The following NCOA2 variants were observed in gnomAD, a reference collection of about 807,000 sequenced individuals.
NCOA2 encodes nuclear receptor coactivator 2.
In NCOA2, 21 loss-of-function variants were observed where a neutral mutation model predicts 145.1. The ratio of observed to expected loss-of-function variants is 0.14; its 90% CI spans 0.10 to 0.21. The LOEUF (loss-of-function observed/expected upper bound fraction) is 0.21. Ranked by LOEUF, NCOA2 falls within the 10% of genes least tolerant of loss-of-function variation. The pLI is 1.00. For missense variants in NCOA2, 1,472 were observed against 1,837.6 expected, an observed-to-expected ratio of 0.80 and a Z score of 3.64; for synonymous variants, 619 against 637.5, an observed-to-expected ratio of 0.97 and a Z score of 0.44.
At chr8:70,280,984 TGTG>T (rs973681316) in intron 2 of NCOA2, among the ~76,000 whole-genome samples, 4 of 151,038 alleles carry the variant, frequency 2.6e-5, no homozygotes, top group Non-Finnish European at 5.9e-5. Context: ...GCTGGGAAGA[TGTG>T]GTGTACACAT....
chr8:70,133,199 A>ATTTTTTTTTTTTTTTTTTTTTT (rs1491395116), intron 15 of NCOA2, among the ~76,000 whole-genome samples: 1 of 99,732 alleles, frequency 1.0e-5, no homozygotes, highest in African/African-American at 4.8e-5. Flanking sequence ...ACTGGCTGCT[A>ATTTTTTTTTTTTTTTTTTTTTT]CTTTTTTTTT....
chr8:70,339,394 CAAG>C (rs1471313213), intron 1 of NCOA2, among the ~76,000 whole-genome samples: 4 of 152,112 alleles, frequency 2.6e-5, no homozygotes, highest in South Asian at 2.1e-4. Context: ...AGGACATCTT[CAAG>C]AAGAACTACA....
the NCOA2 span, among the ~76,000 whole-genome samples, chr8:70,455,611 A>G: frequency 6.6e-6 from 1 of 151,794 alleles, no homozygotes; most frequent in Non-Finnish European, 1.5e-5. Context: ...TCATCAGCCA[A>G]TTATGGTCAC....
intron 2 of NCOA2, among the ~76,000 whole-genome samples, chr8:70,226,490 C>T (rs944815682): frequency 6.6e-6 from 1 of 152,020 alleles, no homozygotes. Context: ...CTAAGTGGCA[C>T]AAAGACTGCC....
At chr8:70,281,355 CAAAAAAAAAAAAAA>C (rs372574771) in intron 2 of NCOA2, among the ~76,000 whole-genome samples, 5 of 60,992 alleles carry the variant, frequency 8.2e-5, no homozygotes, top group Non-Finnish European at 1.4e-4. Context: ...GACCCTGTCT[CAAAAAAAAAAAAAA>C]AAAAAAAAAA....
At chr8:70,158,648 A>G (rs1343852377) in intron 10 of NCOA2, among the ~76,000 whole-genome samples, 1 of 152,200 alleles carries the variant, frequency 6.6e-6, no homozygotes, top group African/African-American at 2.4e-5. Flanking sequence ...GCTACTCAGG[A>G]GGTGGAGGCA....
At chr8:70,330,583 C>A (rs558957090) in intron 1 of NCOA2, among the ~76,000 whole-genome samples, 31 of 146,460 alleles carry the variant, frequency 2.1e-4, no homozygotes, top group East Asian at 1.4e-3. Context: ...AAAAAAAAAA[C>A]CCCAAAAAAC....
Position 70,171,615 on chromosome 8 carries a change from G to A in NCOA2, c.364-1236C>T, listed in dbSNP as rs371513933. On this transcript the variant is annotated intron_variant, in intron 5 of 22. Coordinates refer to ENST00000452400, the MANE Select transcript of NCOA2 (RefSeq NM_006540.4). ...GCTTTACATTGATTCATCATACCTG[G>A]GACCAGGGCCATGGGGTCTAGTCAG... 8.5e-5 allele frequency among the ~76,000 whole-genome samples: 13 copies of A among 152,234 alleles called. No individual in the cohort carries two copies. In the South Asian group the frequency reaches 1.2e-3, roughly 15 times the overall value.
intron 19 of NCOA2, among the ~76,000 whole-genome samples, chr8:70,125,886 C>G (rs191529239): frequency 6.6e-6 from 1 of 152,220 alleles, no homozygotes; most frequent in Non-Finnish European, 1.5e-5. Flanking sequence ...GAGAAAGGAG[C>G]TGGGAAACAA....
At chr8:70,289,014 T>A (rs917720103) in intron 2 of NCOA2, among the ~76,000 whole-genome samples, 1 of 152,224 alleles carries the variant, frequency 6.6e-6, no homozygotes, top group African/African-American at 2.4e-5. Context: ...AAGAAACTCA[T>A]CAAACCAATT....
rs1465233881 is a variant in NCOA2 at position 70,123,950 on chromosome 8, T to C, written c.4227A>G (p.Gly1409=). 6.2e-7 allele frequency: 1 copy of C among 1,614,018 alleles called. No homozygotes were observed. ...AGGTCACTGAGGTCATGCTGATCTGTCCTGTCATCTGGTTCATGCTGCTCA... is the reference window on the plus strand; with the variant it reads ...AGGTCACTGAGGTCATGCTGATCTGCCCTGTCATCTGGTTCATGCTGCTCA... The part of the protein sequence containing the change: ...GGMSSMNQMT[G]QISMTSVTSV... Residue 1409 remains glycine, a synonymous_variant, in exon 21 of 23, where the codon GGA becomes GGG. Coordinates refer to ENST00000452400, the MANE Select transcript of NCOA2 (RefSeq NM_006540.4).
intron 1 of NCOA2, among the ~76,000 whole-genome samples, chr8:70,376,074 A>G (rs1003783684): frequency 1.3e-5 from 2 of 152,206 alleles, no homozygotes; most frequent in Non-Finnish European, 2.9e-5. Context: ...CCATAGGAAC[A>G]CTGTCTGAGA....
At chr8:70,336,236 T>C (rs1024938733) in intron 1 of NCOA2, among the ~76,000 whole-genome samples, 1 of 152,162 alleles carries the variant, frequency 6.6e-6, no homozygotes, top group Non-Finnish European at 1.5e-5. Flanking sequence ...CACTAGATGA[T>C]AGGAATTTTT....
At chr8:70,160,659 C>CAGAGACAGAGAGAGAGAGAGAG (rs1554578913) in intron 9 of NCOA2, among the ~76,000 whole-genome samples, 1 of 132,180 alleles carries the variant, frequency 7.6e-6, no homozygotes, top group Admixed American at 7.7e-5. Flanking sequence ...AAGTGAGAGA[C>CAGAGACAGAGAGAGAGAGAGAG]AGAGAGAGAG....
At chr8:70,216,852 T>G (rs1819671319) in intron 2 of NCOA2, 88 bp from the exon 3 acceptor site, 3 of 822,298 alleles carry the variant, frequency 3.6e-6, no homozygotes, top group East Asian at 2.4e-5. Context: ...TAAAAGAATT[T>G]TGACTCCAAT....
intron 12 of NCOA2, 89 bp downstream of exon 12, chr8:70,148,184 A>C: frequency 7.6e-7 from 1 of 1,308,994 alleles, no homozygotes; most frequent in Non-Finnish European, 1.1e-6. Context: ...AAAGTGACTA[A>C]GCTGGTTGCA....
chr8:70,379,913 G>T (rs1475969682), intron 1 of NCOA2, among the ~76,000 whole-genome samples: 1 of 151,996 alleles, frequency 6.6e-6, no homozygotes, highest in Non-Finnish European at 1.5e-5. Context: ...AAACTGAAAT[G>T]CTGTTTTCTC....
intron 1 of NCOA2, among the ~76,000 whole-genome samples, chr8:70,338,956 A>G (rs1271031468): frequency 1.3e-5 from 2 of 152,138 alleles, no homozygotes; most frequent in Non-Finnish European, 2.9e-5. Flanking sequence ...ACCTCAAAAT[A>G]ATAAGAGCCA....
intron 11 of NCOA2, among the ~76,000 whole-genome samples, chr8:70,149,581 T>TA (rs756351455): frequency 0.059 from 8,501 of 142,888 alleles, 304 homozygotes; most frequent in East Asian, 0.17. Flanking sequence ...TCTCTTCCAT[T>TA]AAAAAAAAAA....
Sources: gnomAD v4.1 joint callset for allele counts (sites outside exome capture counted in the v4.1 genomes callset) on GRCh38, gnomAD v4.1.1 for gene constraint, MANE v1.5 for transcripts, NCBI Gene and HGNC (gene_info 2026-07-23, HGNC 2026-07-21) for gene names.